BNIP2: variants seen among roughly 807,000 people sequenced by gnomAD.
BNIP2 encodes the protein BCL2 interacting protein 2.
A neutral mutation model predicts 43.4 loss-of-function variants in BNIP2; 36 were observed. The ratio of observed to expected loss-of-function variants is 0.83; its 90% CI spans 0.64 to 1.10. The LOEUF is 1.10. Among genes scored for constraint, BNIP2 ranks in the 50% least tolerant of loss-of-function variants. The pLI is 0.00. For missense variants in BNIP2, 417 were observed against 374.1 expected (o/e 1.11, Z -0.95); for synonymous variants, 146 against 121.0 (o/e 1.21, Z -1.35).
intron 5 of BNIP2, chr15:59,676,649 C>A (rs1893309048): frequency 1.7e-6 from 1 of 585,574 alleles, no homozygotes; most frequent in South Asian, 2.2e-5. Context: ...TATCTCTAGG[C>A]AGAGTTTCTA....
At chr15:59,689,080 G>C in intron 1 of BNIP2, 55 bp downstream of exon 1, 1 of 1,506,634 alleles carries the variant, frequency 6.6e-7, no homozygotes. Context: ...CCCCTAGGCC[G>C]GTTCCCAGTC....
intron 2 of BNIP2, among the ~76,000 whole-genome samples, chr15:59,680,877 G>A (rs1272299006): frequency 6.6e-5 from 10 of 152,168 alleles, no homozygotes; most frequent in African/African-American, 2.4e-4. Flanking sequence ...GATTATAGGC[G>A]TGACGTGCTA....
chr15:59,674,927 A>T (rs1893172479), intron 5 of BNIP2, among the ~76,000 whole-genome samples: 1 of 152,202 alleles, frequency 6.6e-6, no homozygotes, highest in Non-Finnish European at 1.5e-5. Context: ...GGTGCTGTAT[A>T]GAAGTGTGGA....
At chr15:59,676,998 A>G (rs981554120) in intron 5 of BNIP2, 23 of 1,613,254 alleles carry the variant, frequency 1.4e-5, no homozygotes, top group Non-Finnish European at 2.0e-5. Flanking sequence ...GGTTATCTCC[A>G]TTTTGTGAAG....
At position 59,682,475 on chromosome 15, in the gene BNIP2, T is replaced by G; in HGVS notation, c.-18A>C. The G allele has an allele frequency of 6.2e-7, 1 of 1,613,762 alleles. No homozygotes were observed. The highest frequency in any genetic ancestry group is 8.5e-7 in the Non-Finnish European group (1 of 1,179,806). Reference sequence around the variant, plus strand: ...CCTTCCATCCTCAGCCTGGATTCAATGTCAACTACAAACTCTTGATAATCC... The same window carrying G: ...CCTTCCATCCTCAGCCTGGATTCAAGGTCAACTACAAACTCTTGATAATCC... On this transcript the variant is annotated 5_prime_UTR_variant, in exon 2 of 10. Transcript: ENST00000607373.
At chr15:59,681,402 A>C (rs1229311136) in intron 2 of BNIP2, among the ~76,000 whole-genome samples, 1 of 151,000 alleles carries the variant, frequency 6.6e-6, no homozygotes, top group Non-Finnish European at 1.5e-5. Context: ...ATCCTTATTA[A>C]TTTACTTAGT....
At position 59,660,887 on chromosome 15, in the gene BNIP2, AAG is replaced by A. The variant is rs1892223759; in HGVS notation, c.*3180_*3181del. ...TTGCTTCTGTATGAAGAGACAAAGA[AAG>A]AGAAAATATGAATTCTTATCATGGG... On this transcript the variant is annotated 3_prime_UTR_variant, in exon 10 of 10. Transcript: ENST00000607373. 6.6e-6 allele frequency: 1 copy of A among 152,220 alleles called. No homozygotes were observed. Among genetic ancestry groups the A allele is most frequent in the South Asian group, 2.1e-4 (1 of 4,830 alleles). 9.4% of individuals were successfully genotyped at this position (152,220 alleles called of 1,614,324 possible).
At chr15:59,677,576 G>A (rs1181095816) in intron 5 of BNIP2, among the ~76,000 whole-genome samples, 4 of 152,194 alleles carry the variant, frequency 2.6e-5, no homozygotes, top group African/African-American at 9.7e-5. Context: ...GACACAGTAT[G>A]TCAAAAGTAA....
chr15:59,683,353 A>G (rs1893813702), intron 1 of BNIP2, among the ~76,000 whole-genome samples: 1 of 152,248 alleles, frequency 6.6e-6, no homozygotes, highest in African/African-American at 2.4e-5. Context: ...AAAACTATAG[A>G]AGGAAAGAGG....
chr15:59,674,234 T>G (rs1189001931), intron 5 of BNIP2, among the ~76,000 whole-genome samples: 2 of 151,924 alleles, frequency 1.3e-5, no homozygotes, highest in African/African-American at 4.8e-5. Flanking sequence ...CAAATACTTC[T>G]GCTTTAACCT....
chr15:59,667,548 A>C (rs1892639618), intron 9 of BNIP2, among the ~76,000 whole-genome samples: 1 of 152,234 alleles, frequency 6.6e-6, no homozygotes, highest in Non-Finnish European at 1.5e-5. Context: ...GAAGTGTTTA[A>C]CTGTTAAATG....
intron 4 of BNIP2, 98 bp from the exon 5 acceptor site, chr15:59,678,185 CATT>C: frequency 7.0e-7 from 1 of 1,435,048 alleles, no homozygotes. Flanking sequence ...AGAGAATTTT[CATT>C]ATACCATCTG....
At chr15:59,667,966 G>A (rs1452811089) in intron 9 of BNIP2, 1 of 461,476 alleles carries the variant, frequency 2.2e-6, no homozygotes, top group African/African-American at 2.1e-5. Flanking sequence ...GGTTCACCCT[G>A]TATTTGGAAG....
chr15:59,680,020 C>G (rs1893561210), intron 3 of BNIP2, among the ~76,000 whole-genome samples: 1 of 152,110 alleles, frequency 6.6e-6, no homozygotes, highest in Non-Finnish European at 1.5e-5. Context: ...TAAAAATGAT[C>G]TCCTCCACCC....
chr15:59,678,291 T>A, intron 4 of BNIP2: 1 of 1,294,674 alleles, frequency 7.7e-7, no homozygotes, highest in East Asian at 3.3e-5. Context: ...TTCTTTAACT[T>A]TTATTGCCCA....
intron 9 of BNIP2, among the ~76,000 whole-genome samples, chr15:59,664,614 C>A (rs6151580): frequency 3.3e-5 from 5 of 151,562 alleles, no homozygotes; most frequent in African/African-American, 7.3e-5. Context: ...ATCTCCTGAC[C>A]TCGTGATCTG....
chr15:59,689,316 A>C lies in BNIP2; in HGVS notation c.-239T>G. The C allele has an allele frequency of 1.9e-6, 3 of 1,548,032 alleles. No individual in the cohort carries two copies. The highest frequency in any genetic ancestry group is 1.4e-5 in the African/African-American group (1 of 73,002). On this transcript the variant is annotated 5_prime_UTR_variant, in exon 1 of 10. Transcript: ENST00000607373. ...GTCGGCGGCAGCAGCTGACCCGGAC[A>C]CAGTGAGAAGCCCCGGCGGAAGTGA...
intron 5 of BNIP2, among the ~76,000 whole-genome samples, chr15:59,673,252 A>G (rs1268847402): frequency 6.6e-6 from 1 of 151,386 alleles, no homozygotes; most frequent in Admixed American, 6.6e-5. Flanking sequence ...AGCTGGGATT[A>G]TAAGCGCACA....
intron 1 of BNIP2, among the ~76,000 whole-genome samples, chr15:59,686,269 G>A (rs1894008271): frequency 6.6e-6 from 1 of 152,160 alleles, no homozygotes. Flanking sequence ...TCACATTTAG[G>A]CCAGGCTCAG....
Sources: gnomAD v4.1 joint callset for allele counts (sites outside exome capture counted in the v4.1 genomes callset) on GRCh38, gnomAD v4.1.1 for gene constraint, MANE v1.5 for transcripts, NCBI Gene and HGNC (gene_info 2026-07-23, HGNC 2026-07-21) for gene names.